The following MERTK variants were observed in gnomAD, a reference collection of about 807,000 sequenced individuals.
MERTK encodes tyrosine-protein kinase Mer.
Under a neutral mutation model 99.3 loss-of-function variants are expected in MERTK, and 69 were observed. That is an observed-to-expected ratio of 0.70 (90% confidence interval 0.57 to 0.85). MERTK has a LOEUF of 0.85. MERTK is among the 40% of genes least tolerant of loss of function. The pLI is 0.00. For synonymous variants in MERTK, 426 were observed against 467.6 expected (o/e 0.91, Z 1.15); for missense variants, 1,125 against 1,249.4 (o/e 0.90, Z 1.50).
At chr2:111,961,457 C>A (rs570058414) in intron 4 of MERTK, among the ~76,000 whole-genome samples, 1 of 151,956 alleles carries the variant, frequency 6.6e-6, no homozygotes, top group Non-Finnish European at 1.5e-5. Context: ...ACCCGGCCGG[C>A]GTTTTAAATT....
At chr2:111,980,894 C>A (rs1412980767) in intron 7 of MERTK, among the ~76,000 whole-genome samples, 1 of 152,152 alleles carries the variant, frequency 6.6e-6, no homozygotes, top group African/African-American at 2.4e-5. Flanking sequence ...GTGTTGAAAT[C>A]TCTCTTCTAC....
Position 112,016,342 on chromosome 2 carries a change from A to G in MERTK, c.2080-3071A>G, listed in dbSNP as rs943019314. On this transcript the variant is annotated intron_variant, in intron 15 of 18. Transcript: ENST00000295408. ...ATGGAAAATAACTTTCAAGTATTAAAAAGATAAAAAGGAATGTAGTTTCCT... is the reference window on the plus strand; with the variant it reads ...ATGGAAAATAACTTTCAAGTATTAAGAAGATAAAAAGGAATGTAGTTTCCT... Among the ~76,000 whole-genome samples the G allele has an allele frequency of 1.8e-4, 27 of 152,374 alleles. 1 individual carries two copies. Among genetic ancestry groups the G allele is most frequent in the Admixed American group, 1.7e-3 (26 of 15,306 alleles).
intron 4 of MERTK, among the ~76,000 whole-genome samples, chr2:111,962,378 G>A (rs949432041): frequency 6.6e-6 from 1 of 152,074 alleles, no homozygotes; most frequent in Non-Finnish European, 1.5e-5. Flanking sequence ...ATGGTGGCAG[G>A]TGCCTGTAAT....
intron 1 of MERTK, among the ~76,000 whole-genome samples, chr2:111,904,259 T>C (rs1180434656): frequency 6.6e-6 from 1 of 152,206 alleles, no homozygotes; most frequent in Non-Finnish European, 1.5e-5. Flanking sequence ...TGAAGTCCAG[T>C]TCCTGTTCAA....
chr2:112,022,137 C>A, intron 17 of MERTK, 121 bp from the exon 18 acceptor site: 1 of 1,399,610 alleles, frequency 7.1e-7, no homozygotes, highest in South Asian at 1.2e-5. Context: ...GCGTCTCACA[C>A]ATAATTGCCA....
intron 1 of MERTK, among the ~76,000 whole-genome samples, chr2:111,922,500 A>G (rs898466330): frequency 2.0e-5 from 3 of 152,218 alleles, no homozygotes; most frequent in Admixed American, 2.0e-4. Context: ...TGCATTGTCC[A>G]AGGCAGACAT....
chr2:111,998,861 GT>G (rs1203887416), intron 10 of MERTK, among the ~76,000 whole-genome samples: 1 of 152,186 alleles, frequency 6.6e-6, no homozygotes, highest in Non-Finnish European at 1.5e-5. Context: ...TGAAAGACTT[GT>G]AACAGGTTAT....
intron 2 of MERTK, among the ~76,000 whole-genome samples, chr2:111,940,144 A>G (rs893544808): frequency 3.3e-5 from 5 of 152,030 alleles, no homozygotes; most frequent in Non-Finnish European, 7.4e-5. Context: ...TTTATTAAAG[A>G]AAAAAGTAAT....
At chr2:111,947,784 G>A (rs1684987625) in intron 4 of MERTK, among the ~76,000 whole-genome samples, 2 of 152,116 alleles carry the variant, frequency 1.3e-5, no homozygotes, top group Admixed American at 1.3e-4. Flanking sequence ...GGGCCTCTGG[G>A]GGTACATAGG....
intron 2 of MERTK, among the ~76,000 whole-genome samples, chr2:111,932,677 AT>A (rs1558776871): frequency 6.6e-6 from 1 of 152,226 alleles, no homozygotes. Flanking sequence ...AGATGGGTTT[AT>A]TTTAGAGAAA....
At chr2:111,904,415 G>A (rs571037387) in intron 1 of MERTK, among the ~76,000 whole-genome samples, 14 of 145,806 alleles carry the variant, frequency 9.6e-5, no homozygotes, top group Admixed American at 2.1e-4. Flanking sequence ...TTGCTCTGTC[G>A]CCCAGGCTGG....
At chr2:111,976,812 A>T (rs1354434369) in intron 7 of MERTK, among the ~76,000 whole-genome samples, 1 of 149,526 alleles carries the variant, frequency 6.7e-6, no homozygotes, top group Non-Finnish European at 1.5e-5. Flanking sequence ...CTTATTTTTT[A>T]TTCTTTGTTT....
intron 4 of MERTK, among the ~76,000 whole-genome samples, chr2:111,953,870 C>T (rs1011964713): frequency 6.6e-6 from 1 of 152,208 alleles, no homozygotes; most frequent in Non-Finnish European, 1.5e-5. Context: ...CCACTGTGCC[C>T]AGGCCCTGTA....
At chr2:111,907,217 C>A (rs1684153064) in intron 1 of MERTK, among the ~76,000 whole-genome samples, 1 of 152,074 alleles carries the variant, frequency 6.6e-6, no homozygotes, top group Non-Finnish European at 1.5e-5. Context: ...GAGTTTGAGA[C>A]CAGCCTGACC....
intron 10 of MERTK, among the ~76,000 whole-genome samples, chr2:112,000,320 C>A (rs1395119511): frequency 6.6e-6 from 1 of 152,188 alleles, no homozygotes; most frequent in Admixed American, 6.5e-5. Context: ...TCTCTACTTT[C>A]TTGAGATTTC....
chr2:111,980,509 C>G (rs376458218), intron 7 of MERTK, among the ~76,000 whole-genome samples: 4 of 150,696 alleles, frequency 2.7e-5, no homozygotes, highest in African/African-American at 9.8e-5. Flanking sequence ...AGCTCTGCCT[C>G]CCGGGTTCAT....
At chr2:111,909,974 C>T (rs1398116357) in intron 1 of MERTK, among the ~76,000 whole-genome samples, 1 of 152,080 alleles carries the variant, frequency 6.6e-6, no homozygotes, top group Non-Finnish European at 1.5e-5. Context: ...ACATCTGCAC[C>T]CTCATGTTTA....
intron 4 of MERTK, among the ~76,000 whole-genome samples, chr2:111,947,896 G>A (rs560518504): frequency 3.3e-5 from 5 of 152,264 alleles, no homozygotes; most frequent in Admixed American, 6.5e-5. Context: ...CAGGTCTTGC[G>A]TTTATGGAAC....
At chr2:111,971,531 T>G (rs1398672169) in intron 6 of MERTK, among the ~76,000 whole-genome samples, 1 of 152,198 alleles carries the variant, frequency 6.6e-6, no homozygotes. Flanking sequence ...TCTCAAGTTT[T>G]CTGTCATTTT....
Sources: gnomAD v4.1 joint callset for allele counts (sites outside exome capture counted in the v4.1 genomes callset) on GRCh38, gnomAD v4.1.1 for gene constraint, MANE v1.5 for transcripts, NCBI Gene and HGNC (gene_info 2026-07-23, HGNC 2026-07-21) for gene names.